Variants in DPP6 observed in about 807,000 individuals in gnomAD.
The protein encoded by DPP6 is dipeptidyl peptidase like 6, also known as A-type potassium channel modulatory protein DPP6.
Under a neutral mutation model 122.6 loss-of-function variants are expected in DPP6, and 69 were observed. That is an observed-to-expected ratio of 0.56 (90% CI 0.46 to 0.69). The LOEUF is 0.69. Ranked by LOEUF, DPP6 falls within the 30% of genes least tolerant of loss-of-function variation. The probability of loss-of-function intolerance (pLI) is 0.00; values close to 1 mark genes in which losing one functional copy is unlikely to be tolerated. For missense variants in DPP6, 928 were observed against 1,116.9 expected, an observed-to-expected ratio of 0.83 and a Z score of 2.41; for synonymous variants, 418 against 433.1, an observed-to-expected ratio of 0.97 and a Z score of 0.43.
chr7:154,869,889 G>C (rs558510417), intron 18 of DPP6, among the ~76,000 whole-genome samples: 1 of 128,608 alleles, frequency 7.8e-6, no homozygotes, highest in South Asian at 2.4e-4. Context: ...TCCAAAGGCT[G>C]TCTCTCTTAA....
intron 16 of DPP6, among the ~76,000 whole-genome samples, chr7:154,843,461 C>A (rs1294750249): frequency 6.6e-6 from 1 of 152,164 alleles, no homozygotes; most frequent in Non-Finnish European, 1.5e-5. Context: ...TAGACCAGAA[C>A]CTCTTTGTCG....
Position 154,769,587 on chromosome 7 carries a change from C to T in DPP6, c.1038+16C>T. 7 of 1,571,570 alleles carry T rather than the reference C, an allele frequency of 4.5e-6. No individual in the cohort carries two copies. Among genetic ancestry groups the T allele is most frequent in the Non-Finnish European group, 6.1e-6 (7 of 1,156,082 alleles). ...CTATCCCAAGGTAGGCAAAGGGACA[C>T]CGCACAGCAAATTCTTTATATTATT... On this transcript the variant is annotated intron_variant, in intron 9 of 25. Transcript: ENST00000377770.
the DPP6 span, among the ~76,000 whole-genome samples, chr7:153,871,366 C>G: frequency 6.6e-6 from 1 of 152,194 alleles, no homozygotes; most frequent in African/African-American, 2.4e-5. Flanking sequence ...GCCCCTCCCC[C>G]AGCCTCACTG....
intron 5 of DPP6, among the ~76,000 whole-genome samples, chr7:154,584,611 G>A (rs571636324): frequency 1.3e-4 from 20 of 152,330 alleles, no homozygotes; most frequent in Non-Finnish European, 2.4e-4. Context: ...CGCTCGGGAC[G>A]CCCATCCTGG....
At chr7:154,698,599 GTTAA>G (rs1392525466) in intron 7 of DPP6, among the ~76,000 whole-genome samples, 2 of 152,108 alleles carry the variant, frequency 1.3e-5, no homozygotes, top group Non-Finnish European at 2.9e-5. Flanking sequence ...ATATTCTATA[GTTAA>G]TTAAATTCAC....
At chr7:154,784,599 A>AGTATTGGTCACTGTTGAGAATATACGT (rs1377410523) in intron 10 of DPP6, among the ~76,000 whole-genome samples, 1 of 152,208 alleles carries the variant, frequency 6.6e-6, no homozygotes, top group East Asian at 1.9e-4. Flanking sequence ...AGCCAGCTCA[A>AGTATTGGTCACTGTTGAGAATATACGT]GTATTGGTCA....
intron 1 of DPP6, among the ~76,000 whole-genome samples, chr7:154,062,037 G>A (rs1259408450): frequency 6.9e-5 from 8 of 115,738 alleles, no homozygotes; most frequent in South Asian, 3.3e-4. Flanking sequence ...CACCCCCCGC[G>A]AGGCAGGGAC....
intron 1 of DPP6, among the ~76,000 whole-genome samples, chr7:154,437,499 C>T (rs1818971515): frequency 1.3e-5 from 2 of 152,180 alleles, no homozygotes; most frequent in Non-Finnish European, 2.9e-5. Flanking sequence ...TGGATGATGA[C>T]AAATTTGATT....
At chr7:153,758,691 G>T in the DPP6 span, among the ~76,000 whole-genome samples, 1 of 149,750 alleles carries the variant, frequency 6.7e-6, no homozygotes, top group African/African-American at 2.5e-5. Flanking sequence ...TCATGTTGCA[G>T]CATGTATCAA....
intron 1 of DPP6, among the ~76,000 whole-genome samples, chr7:154,060,346 G>A (rs1337697183): frequency 1.7e-3 from 159 of 91,668 alleles, no homozygotes; most frequent in South Asian, 2.8e-3. Flanking sequence ...GGCACCCCCC[G>A]CGAGGCAGGG....
chr7:154,677,655 A>G (rs1838998459), intron 7 of DPP6, among the ~76,000 whole-genome samples: 1 of 152,148 alleles, frequency 6.6e-6, no homozygotes, highest in South Asian at 2.1e-4. Context: ...CTGCACGGGG[A>G]GGAGCGCGTG....
At chr7:154,823,312 G>A (rs893300466) in intron 16 of DPP6, among the ~76,000 whole-genome samples, 3 of 152,184 alleles carry the variant, frequency 2.0e-5, no homozygotes, top group Non-Finnish European at 4.4e-5. Flanking sequence ...TGATGCTGTG[G>A]TGAACTATGA....
In DPP6 at chr7:154,511,372, A is replaced by G. The variant is rs1052120013; in HGVS notation, c.458-29160A>G. 2.6e-5 allele frequency among the ~76,000 whole-genome samples: 4 copies of G among 152,324 alleles called. No homozygotes were observed. In the South Asian group the frequency reaches 8.3e-4, roughly 32 times the overall value. On this transcript the variant is annotated intron_variant, in intron 3 of 25. Coordinates refer to ENST00000377770, the MANE Select transcript of DPP6 (RefSeq NM_130797.4). ...TGTAGACAGGATGAACACCAGTTTG[A>G]AAAACCCTCTCTCTGGCTCTGGGGG...
intron 1 of DPP6, among the ~76,000 whole-genome samples, chr7:154,006,650 T>C (rs1304456665): frequency 6.6e-6 from 1 of 152,154 alleles, no homozygotes; most frequent in Non-Finnish European, 1.5e-5. Flanking sequence ...ATTTTACCTA[T>C]CTGTGCTCTG....
intron 1 of DPP6, among the ~76,000 whole-genome samples, chr7:154,276,841 T>C (rs1027344228): frequency 2.6e-5 from 4 of 152,218 alleles, no homozygotes; most frequent in African/African-American, 9.6e-5. Flanking sequence ...AAACATTGTA[T>C]TACATATATA....
chr7:154,259,860 C>T (rs559598528), intron 1 of DPP6, among the ~76,000 whole-genome samples: 3 of 152,116 alleles, frequency 2.0e-5, no homozygotes, highest in African/African-American at 7.2e-5. Context: ...AAGCATCTAC[C>T]GTAAGGAGTG....
chr7:154,319,449 T>C (rs773945069), intron 1 of DPP6, among the ~76,000 whole-genome samples: 10 of 151,974 alleles, frequency 6.6e-5, no homozygotes, highest in Non-Finnish European at 1.3e-4. Context: ...ATCCCAGCAC[T>C]TTGGGAGGCC....
chr7:154,223,495 G>T (rs1800421246), intron 1 of DPP6, among the ~76,000 whole-genome samples: 1 of 149,410 alleles, frequency 6.7e-6, no homozygotes, highest in Non-Finnish European at 1.5e-5. Flanking sequence ...GAGTTGGTGG[G>T]AGATGCTGGT....
the DPP6 span, among the ~76,000 whole-genome samples, chr7:153,773,140 T>C: frequency 3.4e-5 from 5 of 148,550 alleles, no homozygotes; most frequent in African/African-American, 1.2e-4. Flanking sequence ...AACAATACTA[T>C]GTATGCGTGC....
Sources: gnomAD v4.1 joint callset for allele counts (sites outside exome capture counted in the v4.1 genomes callset) on GRCh38, gnomAD v4.1.1 for gene constraint, MANE v1.5 for transcripts, NCBI Gene and HGNC (gene_info 2026-07-23, HGNC 2026-07-21) for gene names.